Variants in MFSD8 observed in about 807,000 individuals in gnomAD.
MFSD8 encodes major facilitator superfamily domain-containing protein 8.
MFSD8 carries 55 observed loss-of-function variants against 66.4 expected under a neutral mutation model. The observed-to-expected ratio is 0.83, with a 90% CI of 0.67 to 1.04. The LOEUF (loss-of-function observed/expected upper bound fraction) is 1.04, where lower values mean the gene tolerates loss of function less well. Among genes scored for constraint, MFSD8 ranks in the 50% least tolerant of loss-of-function variants. The pLI is 0.00. For missense variants in MFSD8, 550 were observed against 627.6 expected, an observed-to-expected ratio of 0.88 and a Z score of 1.32; for synonymous variants, 202 against 212.8, an observed-to-expected ratio of 0.95 and a Z score of 0.44.
rs200285978 is a variant in MFSD8, at chr4:127,922,114, T to A, written c.999-151A>T. 9.4e-5 allele frequency: 78 copies of A among 831,024 alleles called. 1 individual carries two copies. The East Asian group carries it at 2.0e-3, about 22-fold the overall frequency. 51.5% of individuals were successfully genotyped at this position (831,024 alleles called of 1,614,324 possible). A position where few individuals can be genotyped will look rare whatever the true frequency, so the allele number is the denominator to read the frequency against. ...GCTAAATATAATTTTCCACTAAAAATAACCAGGACTCCTCTGAAAAATGGC... is the reference window on the plus strand; with the variant it reads ...GCTAAATATAATTTTCCACTAAAAAAAACCAGGACTCCTCTGAAAAATGGC... On this transcript the variant is annotated intron_variant, in intron 9 of 11. Coordinates refer to ENST00000641686, the MANE Select transcript of MFSD8 (RefSeq NM_001371596.2).
chr4:127,953,656 T>C (rs1352742337), intron 2 of MFSD8, among the ~76,000 whole-genome samples: 1 of 145,214 alleles, frequency 6.9e-6, no homozygotes, highest in Non-Finnish European at 1.5e-5. Flanking sequence ...TGGGTTCAAG[T>C]GTATTTTTAG....
intron 2 of MFSD8, among the ~76,000 whole-genome samples, chr4:127,951,357 G>A (rs55715997): frequency 5.3e-5 from 8 of 152,056 alleles, no homozygotes; most frequent in African/African-American, 1.7e-4. Context: ...AGCCTCCCGA[G>A]CAGCTGGGAT....
chr4:127,921,590 T>G lies in MFSD8; in HGVS notation c.1284A>C (p.Leu428Phe). Reference sequence around the variant, plus strand: ...ACATAAGATTGCAGACTGGATAGCCTAATCCTATTAGCACAGCTGATGTAA... The same window carrying G: ...ACATAAGATTGCAGACTGGATAGCCGAATCCTATTAGCACAGCTGATGTAA... ...QFLTSAVLIG[L>F]GYPVCNLMSY... Residue 428 changes from leucine to phenylalanine, a missense_variant, in exon 11 of 12, where the codon TTA (leucine) becomes TTC (phenylalanine). By Grantham distance (22) the Leu-to-Phe change is conservative (BLOSUM62 0). Coordinates refer to ENST00000641686, the MANE Select transcript of MFSD8 (RefSeq NM_001371596.2). 2 of 1,614,210 alleles carry G rather than the reference T, an allele frequency of 1.2e-6. No homozygotes were observed. The highest frequency in any genetic ancestry group is 1.7e-6 in the Non-Finnish European group (2 of 1,180,036).
At chr4:127,935,029 GAGA>G (rs1466178380) in intron 7 of MFSD8, among the ~76,000 whole-genome samples, 4 of 152,052 alleles carry the variant, frequency 2.6e-5, no homozygotes, top group African/African-American at 7.2e-5. Flanking sequence ...CAGGATTCTT[GAGA>G]AGGAGTTCCT....
Position 127,918,937 on chromosome 4 carries a change from G to A in MFSD8, c.*1693C>T, listed in dbSNP as rs914905281. 2 of 151,996 alleles carry A rather than the reference G, an allele frequency of 1.3e-5. No homozygotes were observed. The highest frequency in any genetic ancestry group is 2.9e-5 in the Non-Finnish European group (2 of 68,018). The allele number at this position is 151,996 out of a possible 1,614,324, so 9.4% of individuals were successfully genotyped here. A position where few individuals can be genotyped will look rare whatever the true frequency, so the allele number is the denominator to read the frequency against. On this transcript the variant is annotated 3_prime_UTR_variant, in exon 12 of 12. Coordinates refer to ENST00000641686, the MANE Select transcript of MFSD8 (RefSeq NM_001371596.2). The stretch of plus-strand genomic sequence containing the variant: ...TAGAGTTTACTCTTTAAGATTAGAC[G>A]TGGCCCAAAAAATGTAAGACAGAGA...
chr4:127,933,334 TC>T, intron 7 of MFSD8: 1 of 352,368 alleles, frequency 2.8e-6, no homozygotes, highest in Non-Finnish European at 5.3e-6. Flanking sequence ...AGCCTTGACC[TC>T]CCCAGGCTCA....
upstream of MFSD8, chr4:127,965,196 G>T (rs1022909520): frequency 1.2e-6 from 2 of 1,600,622 alleles, no homozygotes; most frequent in Admixed American, 3.4e-5. Context: ...CTCCCATCCC[G>T]GGTGGCGTGA....
chr4:127,935,174 C>G (rs928677330), intron 7 of MFSD8, among the ~76,000 whole-genome samples: 37 of 152,264 alleles, frequency 2.4e-4, no homozygotes, highest in African/African-American at 8.9e-4. Context: ...TGTCCAGAAC[C>G]TTTGCCAGGG....
In MFSD8 at chr4:127,921,569, A is replaced by G; in HGVS notation, c.1305T>C (p.Leu435=). Residue 435 remains leucine (L), a synonymous_variant, in exon 11 of 12, where the codon CTT becomes CTC. Transcript: ENST00000641686. ...TTTTTGAATATAGAGTATAGGACAT[A>G]AGATTGCAGACTGGATAGCCTAATC... ...LIGLGYPVCN[L]MSYTLYSKIL... 6.2e-7 allele frequency: 1 copy of G among 1,614,222 alleles called. No homozygotes were observed. Among genetic ancestry groups the G allele is most frequent in the Non-Finnish European group, 8.5e-7 (1 of 1,180,040 alleles).
chr4:127,963,840 C>A (rs1208776628), intron 1 of MFSD8, among the ~76,000 whole-genome samples: 1 of 152,194 alleles, frequency 6.6e-6, no homozygotes, highest in Non-Finnish European at 1.5e-5. Flanking sequence ...CCACCCACAT[C>A]CTGCTGATTG....
intron 3 of MFSD8, among the ~76,000 whole-genome samples, chr4:127,945,015 G>C (rs546466298): frequency 1.3e-5 from 2 of 152,162 alleles, no homozygotes; most frequent in Admixed American, 1.3e-4. Context: ...TTCATATGTG[G>C]TAGGCTAAGC....
intron 9 of MFSD8, among the ~76,000 whole-genome samples, chr4:127,923,364 T>C (rs1455918422): frequency 6.6e-6 from 1 of 152,024 alleles, no homozygotes; most frequent in Non-Finnish European, 1.5e-5. Flanking sequence ...CAAAGGCCTT[T>C]TCTGCATATA....
rs150418024 is a variant in MFSD8 at position 127,921,956 on chromosome 4, C to G, written c.1006G>C (p.Glu336Gln). 2.5e-3 allele frequency: 4,058 copies of G among 1,613,718 alleles called. 13 individuals carry two copies. The highest frequency in any genetic ancestry group is 2.7e-3 in the Non-Finnish European group (3,238 of 1,179,728). The change falls in exon 10 of 12, where the codon GAG (glutamate) becomes CAG (glutamine). Residue 336 changes from glutamate to glutamine, a missense_variant. By Grantham distance (29) the Glu-to-Gln change is conservative. Transcript: ENST00000641686. ...AGTCCTCCCAGTAGAATAGCACGCT[C>G]GCCAATCCTGTTAAAGAACAGAAAC... ...GVKLLSKKIG[E>Q]RAILLGGLIV...
chr4:127,964,118 G>C (rs1196657131), intron 1 of MFSD8, among the ~76,000 whole-genome samples: 2 of 152,190 alleles, frequency 1.3e-5, no homozygotes, highest in African/African-American at 4.8e-5. Flanking sequence ...CAATCCCTGA[G>C]CTAGACATAA....
intron 1 of MFSD8, 87 bp from the exon 2 acceptor site, chr4:127,957,679 A>G (rs1291434208): frequency 1.1e-6 from 1 of 880,954 alleles, no homozygotes; most frequent in African/African-American, 1.7e-5. Flanking sequence ...CTAGTTATGA[A>G]AATGATGTGA....
chr4:127,955,645 C>T (rs116188811), intron 2 of MFSD8, among the ~76,000 whole-genome samples: 1 of 151,836 alleles, frequency 6.6e-6, no homozygotes, highest in Admixed American at 6.6e-5. Flanking sequence ...TGAAGGCAAC[C>T]GAGAAATAGC....
intron 3 of MFSD8, among the ~76,000 whole-genome samples, chr4:127,945,805 T>C (rs1740936251): frequency 6.6e-6 from 1 of 152,160 alleles, no homozygotes; most frequent in Non-Finnish European, 1.5e-5. Context: ...GCTTCATTTG[T>C]CATCTCTACT....
rs542955531 is a variant in MFSD8, at chr4:127,942,025, G to A, written c.553+20C>T. 1,442 of 1,557,856 alleles carry A rather than the reference G, an allele frequency of 9.3e-4. 25 individuals are homozygous for A. The South Asian group carries it at 0.015, about 16-fold the overall frequency. ...TTTTCCCAATTCAAATTCAAGTAAT[G>A]ACATGTGAAGAACACCTACCTGGAC... On this transcript the variant is annotated intron_variant, in intron 5 of 11. Coordinates refer to ENST00000641686, the MANE Select transcript of MFSD8 (RefSeq NM_001371596.2).
chr4:127,926,728 CCTGATACA>C (rs1737267907), intron 9 of MFSD8, among the ~76,000 whole-genome samples: 1 of 152,190 alleles, frequency 6.6e-6, no homozygotes, highest in Non-Finnish European at 1.5e-5. Flanking sequence ...TAGCACTGAA[CCTGATACA>C]CTGACTTAAC....
Sources: allele counts gnomAD v4.1 joint callset (sites outside exome capture counted in the v4.1 genomes callset), GRCh38; gene constraint gnomAD v4.1.1; transcripts MANE v1.5; gene names NCBI Gene and HGNC (gene_info 2026-07-23, HGNC 2026-07-21).